Variants in ANO10 observed in about 807,000 individuals in gnomAD.
ANO10 encodes anoctamin-10.
A neutral mutation model predicts 74.7 loss-of-function variants in ANO10; 77 were observed. The ratio of observed to expected loss-of-function variants is 1.03; its 90% CI spans 0.86 to 1.25. The LOEUF (loss-of-function observed/expected upper bound fraction) is 1.25. Ranked by LOEUF, ANO10 falls within the 50% of genes most tolerant of loss-of-function variation. The pLI is 0.00. For synonymous variants in ANO10, 279 were observed against 284.9 expected, an observed-to-expected ratio of 0.98 and a Z score of 0.21; for missense variants, 721 against 778.1, an observed-to-expected ratio of 0.93 and a Z score of 0.87.
Position 43,403,313 on chromosome 3 carries a change from A to C in ANO10, c.1914+29298T>G, listed in dbSNP as rs545000228. ...TCTGTCAGAGAGAAACAGAACCCATAATTAGCCTTTCTCCTTCCTCCACAC... is the reference window on the plus strand; with the variant it reads ...TCTGTCAGAGAGAAACAGAACCCATCATTAGCCTTTCTCCTTCCTCCACAC... On this transcript the variant is annotated intron_variant, in intron 12 of 12. Coordinates refer to ENST00000292246, the MANE Select transcript of ANO10 (RefSeq NM_018075.5). Among the ~76,000 whole-genome samples, 4 of 152,342 alleles carry C rather than the reference A, an allele frequency of 2.6e-5. No individual in the cohort carries two copies. In the South Asian group the frequency reaches 8.3e-4, roughly 32 times the overall value.
At chr3:43,434,387 C>T (rs921170060) in intron 11 of ANO10, among the ~76,000 whole-genome samples, 1 of 152,156 alleles carries the variant, frequency 6.6e-6, no homozygotes, top group African/African-American at 2.4e-5. Flanking sequence ...ATGAATAATT[C>T]AGAAAAGGCT....
rs534380955 is a variant in ANO10, at chr3:43,431,563, A to G, written c.1914+1048T>C. ...GCATGATGCTGGGTTCCGGTTTACC[A>G]TATAGACACACTGGCTAGCCCACAT... On this transcript the variant is annotated intron_variant, in intron 12 of 12. Transcript: ENST00000292246. 1.2e-3 allele frequency among the ~76,000 whole-genome samples: 183 copies of G among 152,058 alleles called. 1 individual carries two copies. The highest frequency in any genetic ancestry group is 2.2e-3 in the Non-Finnish European group (150 of 68,008).
chr3:43,416,037 T>C (rs1291742766), intron 12 of ANO10, among the ~76,000 whole-genome samples: 2 of 149,402 alleles, frequency 1.3e-5, no homozygotes, highest in Non-Finnish European at 3.0e-5. Flanking sequence ...AAAAAAAAAG[T>C]CTACCTGGAT....
intron 1 of ANO10, chr3:43,691,241 G>A (rs1455608646): frequency 1.1e-5 from 5 of 446,056 alleles, no homozygotes; most frequent in Non-Finnish European, 1.8e-5. Flanking sequence ...TCCCCTCAGC[G>A]TCGGGGCCCC....
intron 11 of ANO10, among the ~76,000 whole-genome samples, chr3:43,446,308 T>A (rs1279065581): frequency 6.6e-6 from 1 of 152,180 alleles, no homozygotes; most frequent in African/African-American, 2.4e-5. Flanking sequence ...ACCTTTGATA[T>A]CTTTGTCAGA....
chr3:43,547,854 C>A (rs2079268900), intron 11 of ANO10, among the ~76,000 whole-genome samples: 1 of 152,078 alleles, frequency 6.6e-6, no homozygotes. Context: ...TTGAGCCAGC[C>A]AGGAATCTAG....
chr3:43,469,204 G>A (rs528688848), intron 11 of ANO10, among the ~76,000 whole-genome samples: 5 of 151,102 alleles, frequency 3.3e-5, no homozygotes, highest in South Asian at 2.1e-4. Context: ...AACCATGCCC[G>A]GCTAATTTTT....
intron 11 of ANO10, among the ~76,000 whole-genome samples, chr3:43,453,291 T>C (rs923531723): frequency 6.6e-5 from 10 of 151,828 alleles, no homozygotes; most frequent in East Asian, 3.9e-4. Context: ...GTCATTGTTC[T>C]GCCTCAGCCT....
At chr3:43,535,848 T>C (rs2078689104) in intron 11 of ANO10, among the ~76,000 whole-genome samples, 4 of 152,220 alleles carry the variant, frequency 2.6e-5, no homozygotes. Context: ...TTAAGTCTCT[T>C]TAAGTCTTCC....
intron 1 of ANO10, among the ~76,000 whole-genome samples, chr3:43,663,124 A>G (rs566659332): frequency 3.5e-4 from 54 of 152,356 alleles, no homozygotes; most frequent in Admixed American, 1.8e-3. Context: ...CCTGATGAAC[A>G]TTGATGCGAA....
At chr3:43,591,032 G>A (rs1289423035) in intron 4 of ANO10, among the ~76,000 whole-genome samples, 1 of 152,228 alleles carries the variant, frequency 6.6e-6, no homozygotes, top group Non-Finnish European at 1.5e-5. Flanking sequence ...GAGGGACAAT[G>A]ATCGGGATAT....
At chr3:43,678,925 T>G (rs1306764263) in intron 1 of ANO10, among the ~76,000 whole-genome samples, 1 of 152,240 alleles carries the variant, frequency 6.6e-6, no homozygotes, top group Non-Finnish European at 1.5e-5. Flanking sequence ...TAGTAAGTTA[T>G]GCTTTCTAAA....
chr3:43,375,829 TG>T (rs2091783593), intron 12 of ANO10, among the ~76,000 whole-genome samples: 1 of 152,224 alleles, frequency 6.6e-6, no homozygotes, highest in African/African-American at 2.4e-5. Flanking sequence ...AGAAGCTCCT[TG>T]GGGGATGAAT....
chr3:43,460,182 G>A (rs923503176), intron 11 of ANO10, among the ~76,000 whole-genome samples: 7 of 152,178 alleles, frequency 4.6e-5, no homozygotes, highest in Non-Finnish European at 8.8e-5. Flanking sequence ...AAAACTGAGT[G>A]TAGAAAATTA....
At chr3:43,396,818 C>A (rs561085993) in intron 12 of ANO10, among the ~76,000 whole-genome samples, 1 of 152,024 alleles carries the variant, frequency 6.6e-6, no homozygotes, top group Non-Finnish European at 1.5e-5. Flanking sequence ...AAAGTGTGCA[C>A]CAGCATGCCA....
At chr3:43,540,328 A>C (rs567915344) in intron 11 of ANO10, among the ~76,000 whole-genome samples, 1 of 152,346 alleles carries the variant, frequency 6.6e-6, no homozygotes, top group East Asian at 1.9e-4. Flanking sequence ...AACACCTATA[A>C]GACAATGTCT....
chr3:43,561,643 G>T (rs557215607), intron 8 of ANO10, among the ~76,000 whole-genome samples: 1 of 152,130 alleles, frequency 6.6e-6, no homozygotes, highest in African/African-American at 2.4e-5. Flanking sequence ...AAGATTAAAA[G>T]ATAAATAAGA....
chr3:43,584,294 C>A (rs2149426557), intron 4 of ANO10, among the ~76,000 whole-genome samples: 2 of 152,350 alleles, frequency 1.3e-5, no homozygotes, highest in Middle Eastern at 3.4e-3. Context: ...CCAAGGTAAA[C>A]ATCCAGAGTG....
intron 12 of ANO10, among the ~76,000 whole-genome samples, chr3:43,396,477 T>C (rs1202916975): frequency 2.6e-5 from 4 of 151,968 alleles, no homozygotes; most frequent in Non-Finnish European, 4.4e-5. Context: ...TAGCTGGGAC[T>C]ACAGGCGCCT....
Sources: allele counts gnomAD v4.1 joint callset (sites outside exome capture counted in the v4.1 genomes callset), GRCh38; gene constraint gnomAD v4.1.1; transcripts MANE v1.5; gene names NCBI Gene and HGNC (gene_info 2026-07-23, HGNC 2026-07-21).